The following SDK1 variants were observed in gnomAD, a reference collection of about 807,000 sequenced individuals.
SDK1 encodes sidekick cell adhesion molecule 1, also known as protein sidekick-1.
A neutral mutation model predicts 245.5 loss-of-function variants in SDK1; 157 were observed. That is an observed-to-expected ratio of 0.64 (90% CI 0.56 to 0.73). SDK1 has a LOEUF of 0.73. Among genes scored for constraint, SDK1 ranks in the 30% least tolerant of loss-of-function variants. The probability of loss-of-function intolerance (pLI) is 0.00; values close to 1 mark genes in which losing one functional copy is unlikely to be tolerated. For synonymous variants in SDK1, 1,647 were observed against 1,278.5 expected (o/e 1.29, Z -6.15); for missense variants, 3,583 against 3,002.3 (o/e 1.19, Z -4.52).
At chr7:4,208,063 C>A (rs778082989) in intron 36 of SDK1, 36 bp from the exon 37 acceptor site, 17 of 1,558,024 alleles carry the variant, frequency 1.1e-5, no homozygotes, top group Admixed American at 1.8e-5. Flanking sequence ...GAAGGCTTCC[C>A]CAGGACCCAC....
intron 1 of SDK1, among the ~76,000 whole-genome samples, chr7:3,344,725 G>C (rs1389140364): frequency 1.3e-5 from 2 of 152,202 alleles, no homozygotes; most frequent in Non-Finnish European, 2.9e-5. Flanking sequence ...AGATGGGCCT[G>C]AGCCCTGTCT....
intron 19 of SDK1, among the ~76,000 whole-genome samples, chr7:4,052,352 G>A (rs556115624): frequency 6.6e-6 from 1 of 152,016 alleles, no homozygotes; most frequent in Non-Finnish European, 1.5e-5. Context: ...AAGTTACCCC[G>A]AGAAAATAGT....
intron 1 of SDK1, among the ~76,000 whole-genome samples, chr7:3,509,252 G>A (rs1022921452): frequency 2.3e-4 from 35 of 152,144 alleles, no homozygotes; most frequent in African/African-American, 8.2e-4. Context: ...TGCTTGGGGA[G>A]GGGTCCTCTG....
intron 1 of SDK1, among the ~76,000 whole-genome samples, chr7:3,552,320 T>C (rs183852451): frequency 3.3e-5 from 5 of 152,264 alleles, no homozygotes; most frequent in East Asian, 1.9e-4. Context: ...GGATTACAGG[T>C]GTGAGCCACC....
chr7:3,792,678 C>T (rs557985954), intron 4 of SDK1, among the ~76,000 whole-genome samples: 1 of 147,468 alleles, frequency 6.8e-6, no homozygotes, highest in South Asian at 2.2e-4. Flanking sequence ...ACTACCCCCT[C>T]CTCCTGCAGT....
intron 42 of SDK1, among the ~76,000 whole-genome samples, chr7:4,239,444 A>G (rs1786384341): frequency 6.6e-6 from 1 of 152,252 alleles, no homozygotes; most frequent in Non-Finnish European, 1.5e-5. Context: ...TGTGCATTTG[A>G]TTATCGTCAA....
At chr7:4,196,272 C>T (rs1192228396) in intron 35 of SDK1, among the ~76,000 whole-genome samples, 1 of 152,196 alleles carries the variant, frequency 6.6e-6, no homozygotes, top group Non-Finnish European at 1.5e-5. Context: ...GCAGCCCCGC[C>T]CTCGCTCAGA....
intron 40 of SDK1, among the ~76,000 whole-genome samples, chr7:4,225,883 A>G (rs1785414342): frequency 6.6e-6 from 1 of 152,058 alleles, no homozygotes; most frequent in South Asian, 2.1e-4. Context: ...GCTGCTCAAC[A>G]TTCAAAAGCA....
intron 13 of SDK1, among the ~76,000 whole-genome samples, chr7:3,983,299 C>G (rs1783559729): frequency 6.6e-6 from 1 of 152,202 alleles, no homozygotes; most frequent in Non-Finnish European, 1.5e-5. Flanking sequence ...AAAAGTCTTT[C>G]ATGAGAGGAA....
chr7:3,453,693 C>A (rs1459173791), intron 1 of SDK1, among the ~76,000 whole-genome samples: 2 of 152,176 alleles, frequency 1.3e-5, no homozygotes, highest in South Asian at 2.1e-4. Context: ...CATCCTCTTG[C>A]CACAGTCTCT....
chr7:3,912,250 T>C (rs1337822686), intron 5 of SDK1, among the ~76,000 whole-genome samples: 1 of 152,210 alleles, frequency 6.6e-6, no homozygotes. Flanking sequence ...TTTCTTAGGC[T>C]ATAGGAGGAG....
intron 28 of SDK1, among the ~76,000 whole-genome samples, chr7:4,137,486 C>T (rs1040910167): frequency 1.3e-5 from 2 of 152,168 alleles, no homozygotes; most frequent in African/African-American, 2.4e-5. Flanking sequence ...GTCTCAGGCC[C>T]GTGGCGCAGT....
intron 1 of SDK1, among the ~76,000 whole-genome samples, chr7:3,512,921 G>T (rs144451830): frequency 6.6e-6 from 1 of 152,034 alleles, no homozygotes; most frequent in Non-Finnish European, 1.5e-5. Context: ...CCTATTCTTA[G>T]AAATTTTGGT....
intron 5 of SDK1, among the ~76,000 whole-genome samples, chr7:3,902,317 A>G (rs950382952): frequency 7.9e-5 from 12 of 152,188 alleles, no homozygotes; most frequent in Non-Finnish European, 7.3e-5. Flanking sequence ...TTCTCCCACA[A>G]TAAGAACCCT....
intron 5 of SDK1, among the ~76,000 whole-genome samples, chr7:3,921,752 G>T (rs540232476): frequency 7.9e-5 from 12 of 152,084 alleles, no homozygotes; most frequent in Non-Finnish European, 1.5e-4. Flanking sequence ...GATCACTTGA[G>T]CCCAGGAGCT....
chr7:4,166,798 C>T (rs768552493), intron 32 of SDK1, among the ~76,000 whole-genome samples: 3 of 152,250 alleles, frequency 2.0e-5, no homozygotes, highest in African/African-American at 7.2e-5. Context: ...CTCAGCCCAG[C>T]TCCCTGTCTC....
intron 22 of SDK1, among the ~76,000 whole-genome samples, chr7:4,081,643 C>T (rs1191105752): frequency 1.3e-5 from 2 of 152,232 alleles, no homozygotes; most frequent in East Asian, 3.9e-4. Context: ...TGGTCTGGAT[C>T]TCCTGACCTC....
chr7:4,104,604 T>C (rs1782784569), intron 22 of SDK1, among the ~76,000 whole-genome samples: 1 of 152,214 alleles, frequency 6.6e-6, no homozygotes, highest in Admixed American at 6.5e-5. Flanking sequence ...TATATTCCCC[T>C]CCGAACCAGT....
intron 5 of SDK1, among the ~76,000 whole-genome samples, chr7:3,835,488 T>C (rs1472652976): frequency 6.6e-6 from 1 of 152,138 alleles, no homozygotes; most frequent in Non-Finnish European, 1.5e-5. Flanking sequence ...GGAAATTAAA[T>C]TAACCTGCCT....
Sources: gnomAD v4.1 joint callset for allele counts (sites outside exome capture counted in the v4.1 genomes callset) on GRCh38, gnomAD v4.1.1 for gene constraint, MANE v1.5 for transcripts, NCBI Gene and HGNC (gene_info 2026-07-23, HGNC 2026-07-21) for gene names.